DNAH11: variants seen among roughly 807,000 people sequenced by gnomAD.
The protein encoded by DNAH11 is axonemal beta dynein heavy chain 11.
In DNAH11, 442 loss-of-function variants were observed where a neutral mutation model predicts 526.0. The observed-to-expected ratio is 0.84, with a 90% CI of 0.78 to 0.91. The LOEUF is 0.91. Ranked by LOEUF, DNAH11 falls within the 40% of genes least tolerant of loss-of-function variation. The pLI, the probability that DNAH11 is intolerant of heterozygous loss-of-function variation, is 0.00. For missense variants in DNAH11, 6,989 were observed against 5,448.7 expected, an observed-to-expected ratio of 1.28 and a Z score of -8.90; for synonymous variants, 2,461 against 1,935.9, an observed-to-expected ratio of 1.27 and a Z score of -7.12.
intron 36 of DNAH11, among the ~76,000 whole-genome samples, chr7:21,701,676 A>G (rs1784067693): frequency 6.6e-6 from 1 of 152,246 alleles, no homozygotes; most frequent in East Asian, 1.9e-4. Flanking sequence ...GAGACCTACT[A>G]AATTGATTTT....
rs1381542711 is a variant in DNAH11 at position 21,561,187 on chromosome 7, T to G, written c.982+17T>G. 1.3e-6 allele frequency: 2 copies of G among 1,543,568 alleles called. No homozygotes were observed. Among genetic ancestry groups the G allele is most frequent in the Admixed American group, 3.7e-5 (2 of 53,742 alleles). ...TGGAAAATGGTAAGACTCTTGTTCC[T>G]CAGCCTGGCATCAATATCACCATCT... On this transcript the variant is annotated intron_variant, in intron 5 of 81. Coordinates refer to ENST00000409508, the MANE Select transcript of DNAH11 (RefSeq NM_001277115.2).
intron 14 of DNAH11, among the ~76,000 whole-genome samples, chr7:21,592,484 G>A (rs1784725854): frequency 6.6e-6 from 1 of 152,162 alleles, no homozygotes; most frequent in African/African-American, 2.4e-5. Context: ...GGGTGAGGTA[G>A]AAGAGACTAA....
At chr7:21,646,235 C>G (rs1045928996) in intron 28 of DNAH11, among the ~76,000 whole-genome samples, 8 of 152,124 alleles carry the variant, frequency 5.3e-5, no homozygotes, top group Non-Finnish European at 1.0e-4. Flanking sequence ...GATGAGATAA[C>G]AGGATGGCCA....
At chr7:21,585,584 C>G (rs1213092759) in intron 9 of DNAH11, among the ~76,000 whole-genome samples, 4 of 152,114 alleles carry the variant, frequency 2.6e-5, no homozygotes, top group African/African-American at 4.8e-5. Flanking sequence ...CACCAAAAAC[C>G]AAAACCAAAT....
intron 20 of DNAH11, among the ~76,000 whole-genome samples, chr7:21,613,393 G>A (rs1301724786): frequency 6.6e-6 from 1 of 152,168 alleles, no homozygotes; most frequent in Non-Finnish European, 1.5e-5. Flanking sequence ...AAAATTATTA[G>A]TCATATTTCT....
chr7:21,556,843 C>G (rs1230461854), intron 2 of DNAH11, among the ~76,000 whole-genome samples: 2 of 152,136 alleles, frequency 1.3e-5, no homozygotes, highest in African/African-American at 4.8e-5. Flanking sequence ...GGGCAGATAA[C>G]TTGAGGCCAG....
At chr7:21,865,026 T>G (rs1783219809) in intron 70 of DNAH11, among the ~76,000 whole-genome samples, 1 of 152,232 alleles carries the variant, frequency 6.6e-6, no homozygotes. Flanking sequence ...GTTTCACCAT[T>G]TTTCTAAATA....
intron 22 of DNAH11, among the ~76,000 whole-genome samples, chr7:21,616,917 T>C (rs1350294912): frequency 1.3e-5 from 2 of 152,124 alleles, no homozygotes; most frequent in Non-Finnish European, 2.9e-5. Context: ...GACCATTTGC[T>C]TTTTTTCCAC....
At chr7:21,567,622 G>A (rs780363860) in intron 6 of DNAH11, among the ~76,000 whole-genome samples, 9 of 152,204 alleles carry the variant, frequency 5.9e-5, no homozygotes, top group Non-Finnish European at 1.0e-4. Context: ...GGTGGAACAG[G>A]TGCTGTGTAG....
intron 45 of DNAH11, among the ~76,000 whole-genome samples, chr7:21,730,630 A>T (rs1785337104): frequency 6.6e-6 from 1 of 152,182 alleles, no homozygotes; most frequent in Non-Finnish European, 1.5e-5. Flanking sequence ...TGACTTGTGA[A>T]ATTTTAAAAG....
chr7:21,661,468 A>AT (rs1782240640), intron 30 of DNAH11, among the ~76,000 whole-genome samples: 1 of 151,708 alleles, frequency 6.6e-6, no homozygotes, highest in Middle Eastern at 3.4e-3. Context: ...CCTGAAAAAT[A>AT]TTTTTCCATT....
At chr7:21,643,719 T>C (rs1787224887) in intron 28 of DNAH11, among the ~76,000 whole-genome samples, 1 of 152,216 alleles carries the variant, frequency 6.6e-6, no homozygotes, top group African/African-American at 2.4e-5. Flanking sequence ...GAAACGCAAA[T>C]ACAGATGTAG....
chr7:21,891,552 T>C (rs940291812), intron 76 of DNAH11, among the ~76,000 whole-genome samples: 2 of 152,200 alleles, frequency 1.3e-5, no homozygotes, highest in African/African-American at 4.8e-5. Context: ...ATAAATTCTT[T>C]TGTTACATTT....
At chr7:21,588,254 G>T in intron 10 of DNAH11, 53 bp downstream of exon 10, 2 of 1,562,582 alleles carry the variant, frequency 1.3e-6, no homozygotes, top group South Asian at 1.2e-5. Context: ...GGCGGATAAT[G>T]ACCATCAACT....
intron 65 of DNAH11, among the ~76,000 whole-genome samples, chr7:21,838,790 C>T (rs995898064): frequency 2.0e-5 from 3 of 151,706 alleles, no homozygotes; most frequent in Non-Finnish European, 1.5e-5. Flanking sequence ...AGTGCAGTGG[C>T]CTGATCACAG....
Position 21,899,583 on chromosome 7 carries a change from C to T in DNAH11, c.13162+135C>T, listed in dbSNP as rs1167815885. On this transcript the variant is annotated intron_variant, in intron 80 of 81. Coordinates refer to ENST00000409508, the MANE Select transcript of DNAH11 (RefSeq NM_001277115.2). ...AAGCAGCAGCCATTATAGAAAGGAC[C>T]AGCAGCTATAGAGGAAACAGAGTCC... The T allele has an allele frequency of 8.1e-6, 6 of 739,440 alleles. No homozygotes were observed. The African/African-American group carries it at 8.8e-5, about 11-fold the overall frequency. 45.8% of individuals were successfully genotyped at this position (739,440 alleles called of 1,614,324 possible).
intron 5 of DNAH11, among the ~76,000 whole-genome samples, chr7:21,561,907 T>C (rs1783473908): frequency 6.6e-6 from 1 of 152,230 alleles, no homozygotes; most frequent in South Asian, 2.1e-4. Context: ...GTTTATTTTT[T>C]CCCACGTGAC....
chr7:21,711,627 C>T (rs1784466234), intron 41 of DNAH11, 85 bp from the exon 42 acceptor site: 3 of 1,532,294 alleles, frequency 2.0e-6, no homozygotes, highest in African/African-American at 1.4e-5. Context: ...GCCTGTGATA[C>T]TTCTGGTAGG....
intron 56 of DNAH11, 26 bp from the exon 57 acceptor site, chr7:21,778,932 C>A: frequency 7.5e-6 from 12 of 1,609,250 alleles, no homozygotes; most frequent in Non-Finnish European, 1.0e-5. Context: ...AGGCCAGTGA[C>A]GTAAGAATAA....
Sources: gnomAD v4.1 joint callset for allele counts (sites outside exome capture counted in the v4.1 genomes callset) on GRCh38, gnomAD v4.1.1 for gene constraint, MANE v1.5 for transcripts, NCBI Gene and HGNC (gene_info 2026-07-23, HGNC 2026-07-21) for gene names.